Variants in JAG1 observed in about 807,000 individuals in gnomAD.
JAG1 encodes the protein jagged canonical Notch ligand 1.
Under a neutral mutation model 148.7 loss-of-function variants are expected in JAG1, and 23 were observed. The ratio of observed to expected loss-of-function variants is 0.15; its 90% confidence interval spans 0.11 to 0.22. The LOEUF (loss-of-function observed/expected upper bound fraction) is 0.22, where lower values mean the gene tolerates loss of function less well. JAG1 is among the 10% of genes least tolerant of loss of function. The pLI is 1.00. For missense variants in JAG1, 1,054 were observed against 1,611.2 expected, an observed-to-expected ratio of 0.65 and a Z score of 5.92; for synonymous variants, 572 against 598.3, an observed-to-expected ratio of 0.96 and a Z score of 0.64.
At chr20:10,667,045 A>G (rs948210116) in intron 2 of JAG1, among the ~76,000 whole-genome samples, 2 of 152,108 alleles carry the variant, frequency 1.3e-5, no homozygotes, top group African/African-American at 4.8e-5. Context: ...AGAAGGGGGG[A>G]TGTAAGAAAC....
Position 10,673,329 on chromosome 20 carries a change from G to A in JAG1, c.81+121C>T. 1 of 778,440 alleles carries A rather than the reference G, an allele frequency of 1.3e-6. No homozygotes were observed. Among genetic ancestry groups the A allele is most frequent in the Non-Finnish European group, 2.0e-6 (1 of 494,436 alleles). 48.2% of individuals were successfully genotyped at this position (778,440 alleles called of 1,614,324 possible). The stretch of plus-strand genomic sequence containing the variant: ...TCAGCCCAGGTGCAGCCGCTCGGGC[G>A]CAGGGGCGAGGAGTCGGGCGCTCGA... On this transcript the variant is annotated intron_variant, in intron 1 of 25. Transcript: ENST00000254958. The surrounding 1 kb of genome is among the most constrained non-coding windows in gnomAD (Gnocchi z 4.7).
intron 3 of JAG1, among the ~76,000 whole-genome samples, chr20:10,661,631 AAGAGCAAC>A (rs1227069144): frequency 6.6e-6 from 1 of 152,220 alleles, no homozygotes; most frequent in East Asian, 1.9e-4. Context: ...GATCTGTCCC[AAGAGCAAC>A]AGAAGGCCAC....
intron 14 of JAG1, 53 bp downstream of exon 14, chr20:10,646,880 AGGCAGG>A (rs567896976): frequency 2.0e-4 from 306 of 1,520,398 alleles, no homozygotes; most frequent in Non-Finnish European, 2.7e-4. Flanking sequence ...CCAGGGGCAG[AGGCAGG>A]GGCAGGGGCA....
intron 2 of JAG1, among the ~76,000 whole-genome samples, chr20:10,667,487 CATATT>C (rs1555830431): frequency 6.6e-6 from 1 of 152,214 alleles, no homozygotes; most frequent in Non-Finnish European, 1.5e-5. Flanking sequence ...AGTCACAAAA[CATATT>C]AAGCAGAAAA....
At chr20:10,648,744 G>C in intron 11 of JAG1, 22 bp from the exon 12 acceptor site, 1 of 1,611,056 alleles carries the variant, frequency 6.2e-7, no homozygotes, top group African/African-American at 1.3e-5. Flanking sequence ...GAAGGGGAGA[G>C]AGAGACACAT....
In JAG1 at chr20:10,639,817, T is replaced by G. The variant is rs371118939; in HGVS notation, c.3338A>C (p.Asn1113Thr). 3.1e-6 allele frequency: 5 copies of G among 1,614,206 alleles called. No homozygotes were observed. The highest frequency in any genetic ancestry group is 4.2e-6 in the Non-Finnish European group (5 of 1,180,042). The change falls in exon 26 of 26, where the codon AAC becomes ACC. Residue 1113 changes from asparagine to threonine, a missense_variant. Asn to Thr is a moderately conservative substitution (Grantham distance 65). Around this residue, in one of 6 missense-constraint regions of JAG1, gnomAD observed 177 missense variants for 177.3 expected, o/e 1.00. Coordinates refer to ENST00000254958, the MANE Select transcript of JAG1 (RefSeq NM_000214.3). ...THSASEDNTT[N>T]NVREQLNQIK... ...CTGGTTCAGCTGCTCCCGCACGTTGTTGGTGGTGTTGTCCTCAGAGGCTGA... is the reference window on the plus strand; with the variant it reads ...CTGGTTCAGCTGCTCCCGCACGTTGGTGGTGGTGTTGTCCTCAGAGGCTGA...
At chr20:10,657,852 G>T (rs915709556) in intron 4 of JAG1, among the ~76,000 whole-genome samples, 1 of 152,146 alleles carries the variant, frequency 6.6e-6, no homozygotes, top group African/African-American at 2.4e-5. Context: ...AAAACTTGCT[G>T]CAAGGCTACC....
At position 10,646,578 on chromosome 20, in the gene JAG1, GTC is replaced by G. The variant is rs1189126141; in HGVS notation, c.1885+359_1885+360del. Among the ~76,000 whole-genome samples, 343 of 151,242 alleles carry G rather than the reference GTC, an allele frequency of 2.3e-3. 2 individuals are homozygous for G. Among genetic ancestry groups the G allele is most frequent in the South Asian group, 8.1e-3 (39 of 4,788 alleles). On this transcript the variant is annotated intron_variant, in intron 14 of 25. Transcript: ENST00000254958. ...AGCACTTTGGGAGGCCAAGTTGGGGGTCGGGGGGTGGATCATCTGAGGCTGGG... is the reference window on the plus strand; with the variant it reads ...AGCACTTTGGGAGGCCAAGTTGGGGGGGGGGGTGGATCATCTGAGGCTGGG...
intron 2 of JAG1, among the ~76,000 whole-genome samples, chr20:10,668,529 A>G (rs1057410434): frequency 2.0e-5 from 3 of 152,180 alleles, no homozygotes; most frequent in Admixed American, 2.0e-4. Context: ...CATTGTCACT[A>G]ACCTTGAAAG....
intron 11 of JAG1, 161 bp from the exon 12 acceptor site, chr20:10,648,883 T>C: frequency 1.1e-6 from 1 of 894,324 alleles, no homozygotes; most frequent in Non-Finnish European, 1.8e-6. Flanking sequence ...TCTATGTGCA[T>C]GCCTTCAAAA....
chr20:10,653,816 C>T (rs987013726), intron 5 of JAG1, among the ~76,000 whole-genome samples: 2 of 152,094 alleles, frequency 1.3e-5, no homozygotes, highest in Admixed American at 6.5e-5. Context: ...GCTAATCACC[C>T]ACGGCTGAGA....
chr20:10,655,069 CAGG>C (rs1423206502), intron 5 of JAG1, among the ~76,000 whole-genome samples: 2 of 152,330 alleles, frequency 1.3e-5, no homozygotes, highest in African/African-American at 4.8e-5. Flanking sequence ...TGGGAGACAG[CAGG>C]AGAAGCCCCT....
intron 14 of JAG1, 113 bp from the exon 15 acceptor site, chr20:10,646,197 C>G: frequency 1.3e-6 from 1 of 745,274 alleles, no homozygotes; most frequent in Non-Finnish European, 2.4e-6. Flanking sequence ...GGCACCTCCA[C>G]CTGCTACCCT....
Position 10,652,114 on chromosome 20 carries a change from C to A in JAG1, c.1006+17G>T. 6.2e-7 allele frequency: 1 copy of A among 1,613,708 alleles called. No individual in the cohort carries two copies. The highest frequency in any genetic ancestry group is 8.5e-7 in the Non-Finnish European group (1 of 1,179,708). On this transcript the variant is annotated intron_variant, in intron 7 of 25. Coordinates refer to ENST00000254958, the MANE Select transcript of JAG1 (RefSeq NM_000214.3). The stretch of plus-strand genomic sequence containing the variant: ...AAAAATTAGACAAAGGGCTCTCATT[C>A]ATCTTGGACCACTTACCAATTTCAC...
intron 13 of JAG1, 107 bp downstream of exon 13, chr20:10,647,850 GTCC>G: frequency 8.6e-7 from 1 of 1,169,230 alleles, no homozygotes; most frequent in Admixed American, 1.9e-5. Flanking sequence ...CACTATAGAG[GTCC>G]TCCTCACCAA....
rs191878686 is a variant in JAG1 at position 10,649,140 on chromosome 20, G to A, written c.1349-33C>T. The A allele has an allele frequency of 2.6e-4, 369 of 1,435,348 alleles. 4 individuals carry two copies. The East Asian group carries it at 6.5e-3, about 25-fold the overall frequency. 88.9% of individuals were successfully genotyped at this position (1,435,348 alleles called of 1,614,324 possible). On this transcript the variant is annotated intron_variant, in intron 10 of 25. Transcript: ENST00000254958. ...ATAAATAAGTCATCATTTTAAAGAGGTAATTTACAGTGAAATTGGGCTTAA... is the reference window on the plus strand; with the variant it reads ...ATAAATAAGTCATCATTTTAAAGAGATAATTTACAGTGAAATTGGGCTTAA...
At chr20:10,665,916 A>C (rs144266896) in intron 2 of JAG1, among the ~76,000 whole-genome samples, 88 of 152,326 alleles carry the variant, frequency 5.8e-4, no homozygotes, top group African/African-American at 2.0e-3. Flanking sequence ...TACCAGGCTC[A>C]TCCTCGCCAG....
rs377670685 is a variant in JAG1 at position 10,646,927 on chromosome 20, A to G, written c.1885+12T>C. ...GGGAGCACTGGTCCATTCCCGGATG[A>G]GGGAGTCTTACTTTCATGGCAGTAT... On this transcript the variant is annotated intron_variant, in intron 14 of 25. Coordinates refer to ENST00000254958, the MANE Select transcript of JAG1 (RefSeq NM_000214.3). 23 of 1,613,638 alleles carry G rather than the reference A, an allele frequency of 1.4e-5. No individual in the cohort carries two copies. The African/African-American group carries it at 2.9e-4, about 21-fold the overall frequency.
rs999813333 is a variant in JAG1 at position 10,638,690 on chromosome 20, T to TAAAATA, written c.*802_*807dup. The TAAAATA allele has an allele frequency of 6.6e-6, 1 of 152,638 alleles. No individual in the cohort carries two copies. The highest frequency in any genetic ancestry group is 2.4e-5 in the African/African-American group (1 of 41,470). The allele number at this position is 152,638 out of a possible 1,614,324, so 9.5% of individuals were successfully genotyped here. ...GGCACAGAAGCCCATCCTATTGTTT[T>TAAAATA]AAAATAAACTATTTTCAAACACCTT... On this transcript the variant is annotated 3_prime_UTR_variant, in exon 26 of 26. Transcript: ENST00000254958.
Sources: allele counts gnomAD v4.1 joint callset (sites outside exome capture counted in the v4.1 genomes callset), GRCh38; gene constraint gnomAD v4.1.1; regional missense constraint gnomAD v4.1.1; non-coding constraint Gnocchi (gnomAD v3.1); transcripts MANE v1.5; gene names NCBI Gene and HGNC (gene_info 2026-07-23, HGNC 2026-07-21).